CCSER1: variants seen among roughly 807,000 people sequenced by gnomAD.
The protein encoded by CCSER1 is serine-rich coiled-coil domain-containing protein 1.
Under a neutral mutation model 82.0 loss-of-function variants are expected in CCSER1, and 41 were observed. That is an observed-to-expected ratio of 0.50 (90% CI 0.39 to 0.65). CCSER1 has a LOEUF of 0.65. Ranked by LOEUF, CCSER1 falls within the 30% of genes least tolerant of loss-of-function variation. The pLI is 0.00. For synonymous variants in CCSER1, 414 were observed against 383.9 expected, an observed-to-expected ratio of 1.08 and a Z score of -0.92; for missense variants, 1,119 against 1,064.2, an observed-to-expected ratio of 1.05 and a Z score of -0.72.
chr4:90,862,766 T>C (rs2149993369), intron 8 of CCSER1, among the ~76,000 whole-genome samples: 1 of 151,972 alleles, frequency 6.6e-6, no homozygotes, highest in East Asian at 1.9e-4. Flanking sequence ...CAGCATATTA[T>C]GCACTCAATA....
chr4:90,804,136 C>T (rs1757197440), intron 7 of CCSER1, among the ~76,000 whole-genome samples: 1 of 152,128 alleles, frequency 6.6e-6, no homozygotes, highest in Non-Finnish European at 1.5e-5. Flanking sequence ...GGATAGACTG[C>T]AAAAATTTTC....
chr4:90,764,239 TA>T (rs553169826), intron 7 of CCSER1, among the ~76,000 whole-genome samples: 4 of 151,922 alleles, frequency 2.6e-5, no homozygotes, highest in African/African-American at 4.8e-5. Context: ...GATTATTTAA[TA>T]AAAAAAAGAG....
intron 5 of CCSER1, among the ~76,000 whole-genome samples, chr4:90,489,627 C>G (rs1236534179): frequency 6.6e-6 from 1 of 152,100 alleles, no homozygotes; most frequent in Admixed American, 6.6e-5. Flanking sequence ...CCCATTAACT[C>G]GTCATTTACA....
intron 9 of CCSER1, among the ~76,000 whole-genome samples, chr4:90,976,873 A>G (rs1270316444): frequency 6.6e-6 from 1 of 151,524 alleles, no homozygotes; most frequent in Non-Finnish European, 1.5e-5. Context: ...AAAATTTCCC[A>G]TCCAAAACCG....
At chr4:90,290,061 A>G (rs1460409025) in intron 1 of CCSER1, among the ~76,000 whole-genome samples, 2 of 151,850 alleles carry the variant, frequency 1.3e-5, no homozygotes, top group Non-Finnish European at 1.5e-5. Context: ...TATTTATATA[A>G]TCAAATCTGG....
chr4:90,241,804 T>A (rs1281220862), intron 1 of CCSER1, among the ~76,000 whole-genome samples: 1 of 152,182 alleles, frequency 6.6e-6, no homozygotes, highest in Non-Finnish European at 1.5e-5. Flanking sequence ...GTACAAATGG[T>A]TTAATTGTAA....
chr4:90,159,736 C>T (rs1211613291), intron 1 of CCSER1, among the ~76,000 whole-genome samples: 1 of 152,154 alleles, frequency 6.6e-6, no homozygotes, highest in East Asian at 1.9e-4. Context: ...GTTCTTTTGA[C>T]TCAGGTGGTC....
intron 3 of CCSER1, among the ~76,000 whole-genome samples, chr4:90,377,598 T>C (rs938850946): frequency 1.3e-5 from 2 of 152,150 alleles, no homozygotes; most frequent in African/African-American, 2.4e-5. Context: ...AGAAATAGTA[T>C]CTAAGAGATT....
intron 9 of CCSER1, among the ~76,000 whole-genome samples, chr4:91,041,348 C>A (rs1243381616): frequency 6.6e-6 from 1 of 152,200 alleles, no homozygotes; most frequent in African/African-American, 2.4e-5. Flanking sequence ...GTTCAACCAT[C>A]TTAGAAATGG....
At position 91,458,368 on chromosome 4, in the gene CCSER1, A is replaced by G. The variant is rs1386168243; in HGVS notation, c.2218-140204A>G. Among the ~76,000 whole-genome samples the G allele has an allele frequency of 2.6e-5, 4 of 152,112 alleles. No individual in the cohort carries two copies. The East Asian group carries it at 5.8e-4, about 22-fold the overall frequency. On this transcript the variant is annotated intron_variant, in intron 10 of 10. Transcript: ENST00000509176. ...CTCTCTGGGTTCTCTCTTCTCTTCC[A>G]TTGGTCTATGTGTCTATCTTTATAC...
chr4:90,656,387 G>A (rs1729712553), intron 6 of CCSER1, among the ~76,000 whole-genome samples: 1 of 151,270 alleles, frequency 6.6e-6, no homozygotes, highest in Admixed American at 6.6e-5. Flanking sequence ...GGATGTATTA[G>A]CCCTTTTATA....
chr4:90,401,413 C>T (rs1270514144), intron 4 of CCSER1, among the ~76,000 whole-genome samples: 1 of 152,132 alleles, frequency 6.6e-6, no homozygotes, highest in Non-Finnish European at 1.5e-5. Context: ...ATTGGAAGCA[C>T]CTGAAATGCT....
At chr4:90,954,234 G>C (rs1350265969) in intron 9 of CCSER1, among the ~76,000 whole-genome samples, 3 of 151,866 alleles carry the variant, frequency 2.0e-5, no homozygotes, top group African/African-American at 7.2e-5. Flanking sequence ...GCAGAATAAA[G>C]TAGAAAATAC....
At chr4:91,163,308 A>G (rs1170423855) in intron 10 of CCSER1, among the ~76,000 whole-genome samples, 1 of 152,152 alleles carries the variant, frequency 6.6e-6, no homozygotes, top group East Asian at 1.9e-4. Context: ...GTTTGTTGTG[A>G]TGTCTGTTCT....
intron 1 of CCSER1, among the ~76,000 whole-genome samples, chr4:90,151,807 A>G (rs1050572770): frequency 6.6e-6 from 1 of 152,132 alleles, no homozygotes; most frequent in Non-Finnish European, 1.5e-5. Context: ...GTAAATTTGT[A>G]TTTACATTTA....
chr4:91,180,728 G>A (rs1043983273), intron 10 of CCSER1, among the ~76,000 whole-genome samples: 1 of 152,178 alleles, frequency 6.6e-6, no homozygotes, highest in Non-Finnish European at 1.5e-5. Context: ...AGCGGCACTA[G>A]AGGAATTAAA....
chr4:90,698,038 G>C (rs1421256048), intron 6 of CCSER1, among the ~76,000 whole-genome samples: 1 of 152,158 alleles, frequency 6.6e-6, no homozygotes, highest in African/African-American at 2.4e-5. Flanking sequence ...TGTAAATGAT[G>C]GATGGACTTG....
At chr4:90,338,706 C>T (rs1430725835) in intron 3 of CCSER1, among the ~76,000 whole-genome samples, 5 of 152,246 alleles carry the variant, frequency 3.3e-5, no homozygotes, top group East Asian at 1.9e-4. Context: ...CAGACGTACT[C>T]GCCTTCTGAT....
intron 10 of CCSER1, among the ~76,000 whole-genome samples, chr4:91,516,817 T>C (rs1319057135): frequency 1.3e-5 from 2 of 152,194 alleles, no homozygotes; most frequent in Non-Finnish European, 2.9e-5. Flanking sequence ...TTTACAATAT[T>C]GATTCTTCCT....
Sources: allele counts gnomAD v4.1 joint callset (sites outside exome capture counted in the v4.1 genomes callset), GRCh38; gene constraint gnomAD v4.1.1; transcripts MANE v1.5; gene names NCBI Gene and HGNC (gene_info 2026-07-23, HGNC 2026-07-21).